The following HNRNPF variants were observed in gnomAD, a reference collection of about 807,000 sequenced individuals.
HNRNPF encodes HnRNP F protein.
In HNRNPF, 2 loss-of-function variants were observed where a neutral mutation model predicts 26.0. The ratio of observed to expected loss-of-function variants is 0.08; its 90% CI spans 0.03 to 0.24. The LOEUF is 0.24. HNRNPF is among the 10% of genes least tolerant of loss of function. HNRNPF has a pLI of 1.00. For synonymous variants in HNRNPF, 234 were observed against 211.5 expected, an observed-to-expected ratio of 1.11 and a Z score of -0.92; for missense variants, 299 against 539.2, an observed-to-expected ratio of 0.55 and a Z score of 4.41.
intron 1 of HNRNPF, among the ~76,000 whole-genome samples, chr10:43,400,427 CAT>C (rs1056796859): frequency 1.3e-5 from 2 of 152,138 alleles, no homozygotes; most frequent in African/African-American, 4.8e-5. Context: ...CTGTTCACCA[CAT>C]GAGAAGCACA....
intron 1 of HNRNPF, among the ~76,000 whole-genome samples, chr10:43,406,525 T>A (rs2999276): frequency 0.65 from 99,214 of 151,796 alleles, 34,145 homozygotes; most frequent in Non-Finnish European, 0.76. Context: ...GGAGACCCCA[T>A]CTCTACAAAA....
intron 3 of HNRNPF, among the ~76,000 whole-genome samples, chr10:43,394,224 GAA>G (rs1286869861): frequency 1.3e-5 from 2 of 152,122 alleles, no homozygotes; most frequent in African/African-American, 4.8e-5. Flanking sequence ...TGGCTAGGCT[GAA>G]AAAGACATAC....
intron 1 of HNRNPF, chr10:43,396,857 G>A (rs1469573125): frequency 6.7e-6 from 1 of 149,456 alleles, no homozygotes; most frequent in African/African-American, 2.5e-5. Flanking sequence ...GGGCAGGGAC[G>A]GGAGGGTTCC....
chr10:43,404,202 C>G (rs936328879), intron 1 of HNRNPF, among the ~76,000 whole-genome samples: 5 of 149,632 alleles, frequency 3.3e-5, no homozygotes, highest in Admixed American at 1.3e-4. Context: ...CAGCTGCTCA[C>G]GAGCCTGAGA....
chr10:43,387,092 T>C lies in HNRNPF; in HGVS notation c.793A>G (p.Ser265Gly). ...FTTDLFGRDL[S>G]YCLSGMYDHR... is the part of the protein sequence containing the mutation. ...TCATACATTCCGGAGAGACAGTAGC[T>C]GAGGTCTCTCCCGAACAGGTCGGTG... Residue 265 changes from serine to glycine, a missense_variant, in exon 4 of 4, where the codon AGC (serine) becomes GGC (glycine). This residue lies in a region of HNRNPF where 74 missense variants were observed against 77.7 expected (regional missense o/e 0.95). Coordinates refer to ENST00000682386, the MANE Select transcript of HNRNPF (RefSeq NM_001098204.2). The surrounding 1 kb of genome is among the most constrained non-coding windows in gnomAD (Gnocchi z 6.0). 1 of 1,613,540 alleles carries C rather than the reference T, an allele frequency of 6.2e-7. No individual in the cohort carries two copies. The highest frequency in any genetic ancestry group is 8.5e-7 in the Non-Finnish European group (1 of 1,180,038).
chr10:43,390,050 C>G (rs1838182133), intron 3 of HNRNPF, among the ~76,000 whole-genome samples: 1 of 152,194 alleles, frequency 6.6e-6, no homozygotes, highest in African/African-American at 2.4e-5. Flanking sequence ...TCTCCGCCTC[C>G]CCAGGGCCTT....
chr10:43,397,170 C>T (rs1197143228), intron 1 of HNRNPF: 2 of 152,028 alleles, frequency 1.3e-5, no homozygotes, highest in African/African-American at 4.8e-5. Flanking sequence ...CCGGGGCGCC[C>T]GCGCGGCGGC....
At chr10:43,404,243 G>A (rs1210263731) in intron 1 of HNRNPF, among the ~76,000 whole-genome samples, 2 of 150,890 alleles carry the variant, frequency 1.3e-5, no homozygotes, top group African/African-American at 2.4e-5. Flanking sequence ...GGAGGCTGCA[G>A]TGAGCCTGGA....
intron 3 of HNRNPF, among the ~76,000 whole-genome samples, chr10:43,392,966 C>T (rs1838312957): frequency 6.6e-6 from 1 of 152,216 alleles, no homozygotes; most frequent in African/African-American, 2.4e-5. Context: ...CTACCTGCAC[C>T]CAGAGGCTCT....
At chr10:43,405,316 A>G (rs1838878364) in intron 1 of HNRNPF, among the ~76,000 whole-genome samples, 1 of 152,230 alleles carries the variant, frequency 6.6e-6, no homozygotes, top group Non-Finnish European at 1.5e-5. Flanking sequence ...TCTACAAAAT[A>G]TAAGGTGTGA....
chr10:43,398,878 C>T lies in HNRNPF; in HGVS notation c.-246-2288G>A, dbSNP rs372774791. ...TTTAGAATGCACTTACTAAATAACA[C>T]GAATTACAGGGAACAGTAACATACT... is the stretch of plus-strand genomic sequence containing the variant. On this transcript the variant is annotated intron_variant, in intron 1 of 3. Transcript: ENST00000682386. Among the ~76,000 whole-genome samples the T allele has an allele frequency of 1.3e-4, 20 of 152,090 alleles. No homozygotes were observed. The East Asian group carries it at 2.9e-3, about 22-fold the overall frequency.
At chr10:43,391,662 C>CA (rs1838253880) in intron 3 of HNRNPF, among the ~76,000 whole-genome samples, 1 of 131,256 alleles carries the variant, frequency 7.6e-6, no homozygotes, top group South Asian at 2.4e-4. Context: ...GAAGTCAAGT[C>CA]AGAGTCCAGG....
Position 43,387,185 on chromosome 10 carries a change from C to G in HNRNPF, c.700G>C (p.Gly234Arg). ...KQAGLERMRP[G>R]AYSTGYGGYE... ...CCCCCGTAGCCTGTGCTGTAGGCAC[C>G]AGGCCTCATCCTTTCCAGGCCTGCC... The change falls in exon 4 of 4, where the codon GGT becomes CGT. Residue 234 changes from glycine (G) to arginine (R), a missense_variant. By Grantham distance (125) the Gly-to-Arg change is moderately radical. Transcript: ENST00000682386. This position sits in a 1 kb window ranked among gnomAD's most constrained non-coding sequence, Gnocchi z 6.0. 1 of 1,614,182 alleles carries G rather than the reference C, an allele frequency of 6.2e-7. No homozygotes were observed. The highest frequency in any genetic ancestry group is 8.5e-7 in the Non-Finnish European group (1 of 1,180,050).
intron 1 of HNRNPF, among the ~76,000 whole-genome samples, chr10:43,406,919 T>C (rs1838937131): frequency 6.6e-6 from 1 of 152,160 alleles, no homozygotes; most frequent in Non-Finnish European, 1.5e-5. Flanking sequence ...ATTAAAGTAG[T>C]AATGTCTTAT....
intron 1 of HNRNPF, among the ~76,000 whole-genome samples, chr10:43,403,221 T>C (rs1007305363): frequency 1.3e-5 from 2 of 152,146 alleles, no homozygotes; most frequent in African/African-American, 2.4e-5. Flanking sequence ...TTTCGCCACA[T>C]TGGCCAGGCT....
chr10:43,392,704 A>G (rs917606459), intron 3 of HNRNPF, among the ~76,000 whole-genome samples: 1 of 152,178 alleles, frequency 6.6e-6, no homozygotes, highest in Admixed American at 6.5e-5. Context: ...TTCCTTAGAC[A>G]GTCTCTGAGT....
rs1838031265 is a variant in HNRNPF, at chr10:43,386,578, T to G, written c.*59A>C. ...CAGCTTCCTCTATTATAACTGCTCT[T>G]AATTGCTTGTTGGCTGCCTGTGAAA... On this transcript the variant is annotated 3_prime_UTR_variant, in exon 4 of 4. Transcript: ENST00000682386. 3 of 1,468,926 alleles carry G rather than the reference T, an allele frequency of 2.0e-6. No homozygotes were observed. The highest frequency in any genetic ancestry group is 1.8e-4 in the Middle Eastern group (1 of 5,528). 91.0% of individuals were successfully genotyped at this position (1,468,926 alleles called of 1,614,324 possible).
rs201660330 is a variant in HNRNPF, at chr10:43,387,940, GAAAA to G, written c.-52-8_-52-5del. ...CTTGGGTGTGGCTTTTTTGTGGCTG[GAAAA>G]AAAAAAAAGAAAAATTTATTTAGTA... On this transcript the variant is annotated splice_polypyrimidine_tract_variant and splice_region_variant and intron_variant, in intron 3 of 3. Transcript: ENST00000682386. The surrounding 1 kb of genome is among the most constrained non-coding windows in gnomAD (Gnocchi z 6.0). The G allele has an allele frequency of 8.8e-7, 1 of 1,135,860 alleles. No homozygotes were observed. The highest frequency in any genetic ancestry group is 1.8e-5 in the South Asian group (1 of 55,640). The allele number at this position is 1,135,860 out of a possible 1,614,324, so 70.4% of individuals were successfully genotyped here. A position where few individuals can be genotyped will look rare whatever the true frequency, so the allele number is the denominator to read the frequency against.
At chr10:43,402,196 A>G (rs552857208) in intron 1 of HNRNPF, among the ~76,000 whole-genome samples, 2 of 152,366 alleles carry the variant, frequency 1.3e-5, no homozygotes, top group Admixed American at 6.5e-5. Context: ...CAAAGAAAGG[A>G]AAACGAAGTA....
Sources: gnomAD v4.1 joint callset for allele counts (sites outside exome capture counted in the v4.1 genomes callset) on GRCh38, gnomAD v4.1.1 for gene constraint, gnomAD v4.1.1 regional missense constraint, Gnocchi (gnomAD v3.1) non-coding constraint, MANE v1.5 for transcripts, NCBI Gene and HGNC (gene_info 2026-07-23, HGNC 2026-07-21) for gene names.